The following SLCO1B3 variants were observed in gnomAD, a reference collection of about 807,000 sequenced individuals.
SLCO1B3 encodes the protein solute carrier organic anion transporter family member 1B3, also known as liver-specific organic anion transporter 2.
A neutral mutation model predicts 71.8 loss-of-function variants in SLCO1B3; 72 were observed. The ratio of observed to expected loss-of-function variants is 1.00; its 90% confidence interval spans 0.83 to 1.22. SLCO1B3 has a LOEUF of 1.22. Ranked by LOEUF, SLCO1B3 falls within the 50% of genes most tolerant of loss-of-function variation. SLCO1B3 has a pLI of 0.00. For missense variants in SLCO1B3, 911 were observed against 819.7 expected (o/e 1.11, Z -1.36); for synonymous variants, 298 against 278.4 (o/e 1.07, Z -0.70).
At chr12:20,835,185 C>G (rs1194270921) in intron 3 of SLCO1B3, among the ~76,000 whole-genome samples, 1 of 152,258 alleles carries the variant, frequency 6.6e-6, no homozygotes, top group South Asian at 2.1e-4. Context: ...TGAGACTGCA[C>G]ACAGCAGGGG....
rs141682303 is a variant in SLCO1B3, at chr12:20,904,369, C to T, written c.1865+2902C>T. ...AGCCCCATGCAAGTTCAGAACCCAA[C>T]AGGGCAGTCATTAAATCTTAAAGCT... On this transcript the variant is annotated intron_variant, in intron 15 of 15. Transcript: ENST00000381545. 4.1e-4 allele frequency among the ~76,000 whole-genome samples: 63 copies of T among 152,226 alleles called. 1 individual carries two copies. In the East Asian group the frequency reaches 9.6e-3, roughly 23 times the overall value.
chr12:20,846,196 A>G (rs901770981), intron 3 of SLCO1B3, among the ~76,000 whole-genome samples: 1 of 152,148 alleles, frequency 6.6e-6, no homozygotes, highest in Admixed American at 6.5e-5. Flanking sequence ...ATCAAAGAGA[A>G]TAGTTAGAAT....
chr12:20,895,026 C>G (rs144355023), intron 13 of SLCO1B3, among the ~76,000 whole-genome samples: 4 of 152,148 alleles, frequency 2.6e-5, no homozygotes, highest in African/African-American at 9.7e-5. Context: ...CATTATAAAG[C>G]AATCAAACCT....
At chr12:20,900,345 T>G (rs1866102270) in intron 14 of SLCO1B3, among the ~76,000 whole-genome samples, 1 of 152,164 alleles carries the variant, frequency 6.6e-6, no homozygotes. Context: ...AAATAAAATC[T>G]GAAAAGTATG....
intron 3 of SLCO1B3, among the ~76,000 whole-genome samples, chr12:20,842,803 A>G (rs560444057): frequency 1.3e-4 from 20 of 152,238 alleles, no homozygotes; most frequent in African/African-American, 4.1e-4. Context: ...ACTGTAGCAT[A>G]TTGCTATGGT....
intron 3 of SLCO1B3, among the ~76,000 whole-genome samples, chr12:20,847,314 C>T (rs1265720639): frequency 2.6e-5 from 4 of 152,084 alleles, no homozygotes; most frequent in African/African-American, 4.8e-5. Context: ...AACCCTGAGC[C>T]CAAGGTGTTG....
At chr12:20,870,729 G>C (rs1865459815) in intron 8 of SLCO1B3, among the ~76,000 whole-genome samples, 1 of 152,048 alleles carries the variant, frequency 6.6e-6, no homozygotes, top group East Asian at 1.9e-4. Flanking sequence ...CTTTAGCTTT[G>C]ACATATATTT....
rs550905626 is a variant in SLCO1B3 at position 20,882,623 on chromosome 12, C to T, written c.1498-795C>T. On this transcript the variant is annotated intron_variant, in intron 12 of 15. Coordinates refer to ENST00000381545, the MANE Select transcript of SLCO1B3 (RefSeq NM_019844.4). ...GTTTCACCATGTTGACCAGGCTGGTCGCAAACTCGTGACCTCATGATACGC... is the reference window on the plus strand; with the variant it reads ...GTTTCACCATGTTGACCAGGCTGGTTGCAAACTCGTGACCTCATGATACGC... Among the ~76,000 whole-genome samples, 11 of 152,120 alleles carry T rather than the reference C, an allele frequency of 7.2e-5. 1 individual carries two copies. Among genetic ancestry groups the T allele is most frequent in the East Asian group, 1.9e-4 (1 of 5,158 alleles).
intron 10 of SLCO1B3, among the ~76,000 whole-genome samples, chr12:20,878,308 G>C (rs1255275475): frequency 6.6e-6 from 1 of 151,896 alleles, no homozygotes; most frequent in Admixed American, 6.6e-5. Flanking sequence ...TATAATTCAT[G>C]GACTGAAATA....
intron 3 of SLCO1B3, among the ~76,000 whole-genome samples, chr12:20,839,967 A>G (rs890285317): frequency 6.6e-6 from 1 of 152,064 alleles, no homozygotes; most frequent in Admixed American, 6.6e-5. Flanking sequence ...GGAATTACTT[A>G]TTTCTGCTAC....
intron 15 of SLCO1B3, among the ~76,000 whole-genome samples, chr12:20,911,609 T>C (rs996456609): frequency 6.6e-6 from 1 of 152,228 alleles, no homozygotes; most frequent in African/African-American, 2.4e-5. Flanking sequence ...AATTCATTTC[T>C]TTAACAGATA....
chr12:20,912,282 T>C (rs1301027745), intron 15 of SLCO1B3, among the ~76,000 whole-genome samples: 4 of 150,766 alleles, frequency 2.7e-5, no homozygotes, highest in Non-Finnish European at 5.9e-5. Context: ...CTTTCAAATT[T>C]CTTCTATTTT....
At chr12:20,876,084 A>G (rs1326850205) in intron 9 of SLCO1B3, among the ~76,000 whole-genome samples, 2 of 110,560 alleles carry the variant, frequency 1.8e-5, no homozygotes, top group East Asian at 4.7e-4. Context: ...ATTTTTATAT[A>G]TGAATTAAAA....
intron 3 of SLCO1B3, among the ~76,000 whole-genome samples, chr12:20,825,775 G>A (rs1442516128): frequency 6.9e-6 from 1 of 145,056 alleles, no homozygotes. Flanking sequence ...CTCCAGCCTG[G>A]GTGACAGAGC....
At chr12:20,888,447 T>C (rs1424496092) in intron 13 of SLCO1B3, among the ~76,000 whole-genome samples, 5 of 151,952 alleles carry the variant, frequency 3.3e-5, no homozygotes, top group African/African-American at 1.2e-4. Flanking sequence ...ATTTTTTATA[T>C]TCATTGTAAA....
At chr12:20,846,631 TA>T (rs944095901) in intron 3 of SLCO1B3, among the ~76,000 whole-genome samples, 19 of 152,102 alleles carry the variant, frequency 1.2e-4, no homozygotes, top group African/African-American at 4.6e-4. Context: ...ATAACCAGAA[TA>T]ACATAATCCA....
At chr12:20,817,069 T>C (rs1328579296) in intron 3 of SLCO1B3, among the ~76,000 whole-genome samples, 2 of 152,200 alleles carry the variant, frequency 1.3e-5, no homozygotes, top group African/African-American at 4.8e-5. Context: ...TCCTATAGAA[T>C]TGTTTGATCT....
chr12:20,862,676 A>G lies in SLCO1B3; in HGVS notation c.629-80A>G, dbSNP rs1036261. 1,193,544 of 1,444,234 alleles carry G rather than the reference A, an allele frequency of 0.83. 500,636 individuals are homozygous for G. Among genetic ancestry groups the G allele is most frequent in the South Asian group, 0.9 (72,627 of 80,280 alleles). The allele number at this position is 1,444,234 out of a possible 1,614,324, so 89.5% of individuals were successfully genotyped here. On this transcript the variant is annotated intron_variant, in intron 7 of 15. Transcript: ENST00000381545. ...AAAAATATTTGCAGAAGTGTATTGT[A>G]TAATATTACTTTTAAAAGCATGTTA...
chr12:20,913,216 A>G (rs1304670059), intron 15 of SLCO1B3, among the ~76,000 whole-genome samples: 1 of 152,152 alleles, frequency 6.6e-6, no homozygotes, highest in Admixed American at 6.6e-5. Flanking sequence ...GTTCATTTAC[A>G]TTAAGTATCC....
Sources: allele counts gnomAD v4.1 joint callset (sites outside exome capture counted in the v4.1 genomes callset), GRCh38; gene constraint gnomAD v4.1.1; transcripts MANE v1.5; gene names NCBI Gene and HGNC (gene_info 2026-07-23, HGNC 2026-07-21).